The following LGMN variants were observed in gnomAD, a reference collection of about 807,000 sequenced individuals.
LGMN encodes legumain.
A neutral mutation model predicts 56.8 loss-of-function variants in LGMN; 36 were observed. The observed-to-expected ratio is 0.63, with a 90% CI of 0.49 to 0.84. The LOEUF (loss-of-function observed/expected upper bound fraction) is 0.84, where lower values mean the gene tolerates loss of function less well. LGMN is among the 40% of genes least tolerant of loss of function. The pLI, the probability that LGMN is intolerant of heterozygous loss-of-function variation, is 0.00. For synonymous variants in LGMN, 199 were observed against 210.1 expected, an observed-to-expected ratio of 0.95 and a Z score of 0.46; for missense variants, 446 against 556.1, an observed-to-expected ratio of 0.80 and a Z score of 1.99.
chr14:92,733,909 AAC>A (rs1297850429), intron 1 of LGMN: 3 of 152,238 alleles, frequency 2.0e-5, no homozygotes, highest in Non-Finnish European at 1.5e-5. Context: ...ACAAAATGTT[AAC>A]AGTAGTTATT....
intron 1 of LGMN, among the ~76,000 whole-genome samples, chr14:92,748,100 A>G (rs1891896757): frequency 6.6e-6 from 1 of 152,056 alleles, no homozygotes; most frequent in Admixed American, 6.5e-5. Flanking sequence ...TAAGAACATC[A>G]AAAGTCTGAA....
At chr14:92,707,399 G>A (rs988151026) in intron 11 of LGMN, among the ~76,000 whole-genome samples, 10 of 152,302 alleles carry the variant, frequency 6.6e-5, no homozygotes, top group African/African-American at 2.4e-4. Context: ...CAGAACCACA[G>A]ACTCCCCAAG....
intron 1 of LGMN, among the ~76,000 whole-genome samples, chr14:92,735,289 CT>C (rs1236937511): frequency 6.6e-6 from 1 of 152,132 alleles, no homozygotes; most frequent in Non-Finnish European, 1.5e-5. Flanking sequence ...TCACTGCAAC[CT>C]CCGCCTCCCA....
At chr14:92,719,365 A>G (rs1273934850) in intron 2 of LGMN, among the ~76,000 whole-genome samples, 67 of 138,776 alleles carry the variant, frequency 4.8e-4, no homozygotes, top group African/African-American at 1.7e-3. Flanking sequence ...CAACACCACC[A>G]CCACCACCAA....
At chr14:92,735,667 C>T (rs1349163490) in intron 1 of LGMN, among the ~76,000 whole-genome samples, 2 of 152,186 alleles carry the variant, frequency 1.3e-5, no homozygotes, top group Non-Finnish European at 2.9e-5. Flanking sequence ...TCAAGCACTG[C>T]CTCCTAACAG....
intron 10 of LGMN, 31 bp from the exon 11 acceptor site, chr14:92,709,903 A>G (rs1188077793): frequency 2.0e-6 from 3 of 1,525,426 alleles, no homozygotes; most frequent in Non-Finnish European, 2.7e-6. Context: ...AGAGAGCGAG[A>G]GAGAAAGCGA....
rs566978405 is a variant in LGMN at position 92,715,805 on chromosome 14, A to T, written c.404+331T>A. The stretch of plus-strand genomic sequence containing the variant: ...CCCTGCAATCTGGGCACAGGGATTC[A>T]GATTCACACCTGCCTCAGGGGCTCC... On this transcript the variant is annotated intron_variant, in intron 5 of 13. Coordinates refer to ENST00000334869, the MANE Select transcript of LGMN (RefSeq NM_005606.7). 2.7e-5 allele frequency: 5 copies of T among 187,024 alleles called. No homozygotes were observed. The South Asian group carries it at 4.9e-4, about 18-fold the overall frequency. 11.6% of individuals were successfully genotyped at this position (187,024 alleles called of 1,614,324 possible). A position where few individuals can be genotyped will look rare whatever the true frequency, so the allele number is the denominator to read the frequency against.
At chr14:92,730,478 A>G (rs1053549668) in intron 2 of LGMN, among the ~76,000 whole-genome samples, 4 of 152,176 alleles carry the variant, frequency 2.6e-5, no homozygotes, top group African/African-American at 9.7e-5. Flanking sequence ...CGCAGTGGCT[A>G]TGCACAGGTG....
In LGMN at chr14:92,713,805, C is replaced by T; in HGVS notation, c.543+18G>A. On this transcript the variant is annotated intron_variant, in intron 7 of 13. Transcript: ENST00000334869. ...CACACCCCCCGCCCCCACAAGGCTGCCCCAAGGGCTGAATTACCTTTCGGT... is the reference window on the plus strand; with the variant it reads ...CACACCCCCCGCCCCCACAAGGCTGTCCCAAGGGCTGAATTACCTTTCGGT... 6.3e-7 allele frequency: 1 copy of T among 1,598,004 alleles called. No individual in the cohort carries two copies. The highest frequency in any genetic ancestry group is 8.6e-7 in the Non-Finnish European group (1 of 1,165,328).
chr14:92,711,537 C>A (rs1889768033), intron 10 of LGMN, 122 bp downstream of exon 10: 3 of 903,998 alleles, frequency 3.3e-6, no homozygotes, highest in Non-Finnish European at 5.4e-6. Flanking sequence ...GAGGCAGAGG[C>A]ATCCCTGCCT....
chr14:92,746,376 T>A (rs1326026976), intron 1 of LGMN, among the ~76,000 whole-genome samples: 1 of 152,186 alleles, frequency 6.6e-6, no homozygotes, highest in Non-Finnish European at 1.5e-5. Context: ...AAAAAAAGAA[T>A]ATGCTGGACA....
intron 7 of LGMN, 142 bp downstream of exon 7, chr14:92,713,681 G>A (rs749469817): frequency 2.9e-5 from 20 of 700,770 alleles, no homozygotes; most frequent in Non-Finnish European, 4.4e-5. Context: ...GCCTCATCCT[G>A]GGAAACCAGG....
intron 2 of LGMN, among the ~76,000 whole-genome samples, chr14:92,719,511 T>C (rs1433550701): frequency 6.6e-6 from 1 of 152,182 alleles, no homozygotes; most frequent in Non-Finnish European, 1.5e-5. Context: ...CTGGAAAGCA[T>C]AGATTTTAGT....
At chr14:92,734,406 G>A (rs1891204728) in intron 1 of LGMN, among the ~76,000 whole-genome samples, 1 of 152,100 alleles carries the variant, frequency 6.6e-6, no homozygotes, top group Non-Finnish European at 1.5e-5. Context: ...GACCACATGA[G>A]GTCAGGAGTC....
At chr14:92,704,504 C>T in intron 13 of LGMN, 136 bp downstream of exon 13, 1 of 1,060,180 alleles carries the variant, frequency 9.4e-7, no homozygotes, top group Non-Finnish European at 1.5e-6. Context: ...CTGGACCCTG[C>T]TGACAAATGG....
At chr14:92,708,924 CTG>C (rs1309080498) in intron 11 of LGMN, among the ~76,000 whole-genome samples, 1 of 148,988 alleles carries the variant, frequency 6.7e-6, no homozygotes, top group Non-Finnish European at 1.5e-5. Flanking sequence ...ACATCCATCA[CTG>C]TGCTGTGCTG....
chr14:92,726,033 T>C (rs1232753048), intron 2 of LGMN, among the ~76,000 whole-genome samples: 1 of 151,394 alleles, frequency 6.6e-6, no homozygotes, highest in Non-Finnish European at 1.5e-5. Flanking sequence ...GGTCAGGAGA[T>C]CGAGACCAGT....
intron 10 of LGMN, among the ~76,000 whole-genome samples, chr14:92,710,595 C>A (rs1889709260): frequency 1.3e-5 from 2 of 152,170 alleles, no homozygotes; most frequent in African/African-American, 4.8e-5. Flanking sequence ...AATAATCTAA[C>A]AACAGTTCTA....
In LGMN at chr14:92,711,882, G is replaced by C. The variant is rs1889799741; in HGVS notation, c.684C>G (p.Tyr228Ter). The change falls in exon 9 of 14, where the codon TAC becomes TAG. Residue 228 changes from tyrosine to a stop codon, truncating the protein, a stop_gained. Transcript: ENST00000334869. LOFTEE classifies it high-confidence loss of function. ...ACYYDEKRST[Y>*]LGDWYSVNWM... ...AGTTGACGCTGTACCAGTCCCCCAG[G>C]TACGTGGACCTCTTCTCATCATAGT... is the stretch of plus-strand genomic sequence containing the variant. 1.2e-6 allele frequency: 2 copies of C among 1,613,996 alleles called. No homozygotes were observed. The highest frequency in any genetic ancestry group is 2.7e-5 in the African/African-American group (2 of 74,906).
Sources: allele counts gnomAD v4.1 joint callset (sites outside exome capture counted in the v4.1 genomes callset), GRCh38; gene constraint gnomAD v4.1.1; transcripts MANE v1.5; gene names NCBI Gene and HGNC (gene_info 2026-07-23, HGNC 2026-07-21).